The following DNAJC11 variants were observed in gnomAD, a reference collection of about 807,000 sequenced individuals.
The protein encoded by DNAJC11 is DnaJ heat shock protein family (Hsp40) member C11.
DNAJC11 carries 15 observed loss-of-function variants against 78.6 expected under a neutral mutation model. The ratio of observed to expected loss-of-function variants is 0.19; its 90% CI spans 0.13 to 0.29. The LOEUF is 0.29. Ranked by LOEUF, DNAJC11 falls within the 10% of genes least tolerant of loss-of-function variation. DNAJC11 has a pLI of 1.00. For missense variants in DNAJC11, 547 were observed against 709.6 expected, an observed-to-expected ratio of 0.77 and a Z score of 2.60; for synonymous variants, 292 against 272.1, an observed-to-expected ratio of 1.07 and a Z score of -0.72.
intron 1 of DNAJC11, 132 bp downstream of exon 1, chr1:6,701,597 C>G: frequency 1.1e-6 from 1 of 898,172 alleles, no homozygotes; most frequent in Non-Finnish European, 1.6e-6. Flanking sequence ...GCGTGCACGT[C>G]GCCGGGGTCA....
chr1:6,662,121 G>GTTTTTTT (rs1185007632), intron 4 of DNAJC11, among the ~76,000 whole-genome samples: 1 of 48,190 alleles, frequency 2.1e-5, no homozygotes, highest in African/African-American at 6.1e-5. Flanking sequence ...CCAGTTAATT[G>GTTTTTTT]TTTTTTGTTT....
rs1642088153 is a variant in DNAJC11, at chr1:6,653,728, T to G, written c.507+183A>C. On this transcript the variant is annotated intron_variant, in intron 5 of 15. Coordinates refer to ENST00000377577, the MANE Select transcript of DNAJC11 (RefSeq NM_018198.4). This position sits in a 1 kb window ranked among gnomAD's most constrained non-coding sequence, Gnocchi z 4.5. Reference sequence around the variant, plus strand: ...CAGCCCACACTCCTGCTGGCTCACATGCCAGCACAGCGGTAACACACGGCT... The same window carrying G: ...CAGCCCACACTCCTGCTGGCTCACAGGCCAGCACAGCGGTAACACACGGCT... 1 of 736,784 alleles carries G rather than the reference T, an allele frequency of 1.4e-6. No individual in the cohort carries two copies. Among genetic ancestry groups the G allele is most frequent in the Non-Finnish European group, 2.0e-6 (1 of 488,934 alleles). The allele number at this position is 736,784 out of a possible 1,614,324, so 45.6% of individuals were successfully genotyped here. A position where few individuals can be genotyped will look rare whatever the true frequency, so the allele number is the denominator to read the frequency against.
At chr1:6,639,267 C>T (rs75004575) in intron 11 of DNAJC11, among the ~76,000 whole-genome samples, 2,353 of 151,878 alleles carry the variant, frequency 0.015, 34 homozygotes, top group East Asian at 0.035. Context: ...TTAAACTCAG[C>T]GCTGGGAAAG....
intron 1 of DNAJC11, among the ~76,000 whole-genome samples, chr1:6,700,069 AT>A (rs1435428830): frequency 6.6e-6 from 1 of 152,312 alleles, no homozygotes; most frequent in Non-Finnish European, 1.5e-5. Context: ...ATATTCCACC[AT>A]GGTGATTTAC....
At chr1:6,646,254 C>T (rs981382243) in intron 7 of DNAJC11, among the ~76,000 whole-genome samples, 1 of 152,188 alleles carries the variant, frequency 6.6e-6, no homozygotes, top group Non-Finnish European at 1.5e-5. Context: ...CCTATGCCAG[C>T]AGATGCAACC....
At chr1:6,651,625 A>G in intron 6 of DNAJC11, 23 bp from the exon 7 acceptor site, 1 of 1,603,734 alleles carries the variant, frequency 6.2e-7, no homozygotes, top group Non-Finnish European at 8.5e-7. Context: ...GAAAAAGAGA[A>G]GGCATTAATG....
intron 1 of DNAJC11, among the ~76,000 whole-genome samples, chr1:6,683,405 T>C (rs1458817694): frequency 6.6e-6 from 1 of 152,218 alleles, no homozygotes; most frequent in Non-Finnish European, 1.5e-5. Flanking sequence ...GCAAGGACAG[T>C]GTGAGAATGA....
intron 1 of DNAJC11, among the ~76,000 whole-genome samples, chr1:6,701,221 A>C (rs933099025): frequency 1.3e-5 from 2 of 152,162 alleles, no homozygotes; most frequent in Non-Finnish European, 2.9e-5. Flanking sequence ...GGCTGGACCC[A>C]CTTCAGAGGC....
chr1:6,653,036 C>A lies in DNAJC11; in HGVS notation c.508-85G>T, dbSNP rs1021527746. The stretch of plus-strand genomic sequence containing the variant: ...CAGCCTAAAGAACGCACTGTGAGCC[C>A]AAGGCCAAAGGTGCAGACGATTCCT... On this transcript the variant is annotated intron_variant, in intron 5 of 15. Coordinates refer to ENST00000377577, the MANE Select transcript of DNAJC11 (RefSeq NM_018198.4). This position sits in a 1 kb window ranked among gnomAD's most constrained non-coding sequence, Gnocchi z 4.5. The A allele has an allele frequency of 7.8e-6, 12 of 1,543,144 alleles. No homozygotes were observed. The highest frequency in any genetic ancestry group is 9.8e-6 in the Non-Finnish European group (11 of 1,124,636).
intron 4 of DNAJC11, among the ~76,000 whole-genome samples, chr1:6,658,592 A>G (rs978013521): frequency 3.3e-5 from 5 of 152,168 alleles, no homozygotes; most frequent in Non-Finnish European, 4.4e-5. Flanking sequence ...TTTTCTTTAT[A>G]AGTCTAGTAA....
At chr1:6,686,442 T>C (rs1642658635) in intron 1 of DNAJC11, among the ~76,000 whole-genome samples, 1 of 152,246 alleles carries the variant, frequency 6.6e-6, no homozygotes. Flanking sequence ...TCACTTTACA[T>C]GTCCATCTGA....
intron 11 of DNAJC11, 42 bp from the exon 12 acceptor site, chr1:6,638,406 G>A (rs775730223): frequency 2.5e-6 from 4 of 1,587,054 alleles, no homozygotes; most frequent in Non-Finnish European, 2.6e-6. Context: ...GCGCGGCGCT[G>A]CCCAGCTTCC....
In DNAJC11 at chr1:6,634,867, C is replaced by T. The variant is rs2294532; in HGVS notation, c.*808G>A. ...TGTCTTGCCAAGCGCCTGGTCCTGT[C>T]CTCTTGAGCTGCCCTTGCCCAGCAC... On this transcript the variant is annotated 3_prime_UTR_variant, in exon 16 of 16. Transcript: ENST00000377577. 0.33 allele frequency: 398,607 copies of T among 1,218,444 alleles called. 65,573 individuals are homozygous for T. Among genetic ancestry groups the T allele is most frequent in the Middle Eastern group, 0.35 (926 of 2,654 alleles). 75.5% of individuals were successfully genotyped at this position (1,218,444 alleles called of 1,614,324 possible). A position where few individuals can be genotyped will look rare whatever the true frequency, so the allele number is the denominator to read the frequency against.
intron 11 of DNAJC11, among the ~76,000 whole-genome samples, chr1:6,638,660 T>C (rs899177557): frequency 6.6e-6 from 1 of 152,138 alleles, no homozygotes; most frequent in Non-Finnish European, 1.5e-5. Context: ...TTTCAGGAGA[T>C]CCCACCAACC....
At chr1:6,693,726 G>C (rs1244599892) in intron 1 of DNAJC11, among the ~76,000 whole-genome samples, 4 of 151,954 alleles carry the variant, frequency 2.6e-5, no homozygotes, top group Admixed American at 2.0e-4. Context: ...GCTTTTTATA[G>C]ACAAAGTCTC....
intron 2 of DNAJC11, among the ~76,000 whole-genome samples, chr1:6,678,866 C>G (rs910554910): frequency 6.6e-6 from 1 of 152,176 alleles, no homozygotes; most frequent in Non-Finnish European, 1.5e-5. Context: ...CTAGGCTGAT[C>G]TCGAATTCCT....
intron 7 of DNAJC11, among the ~76,000 whole-genome samples, chr1:6,650,091 C>A (rs1224976947): frequency 6.6e-6 from 1 of 151,364 alleles, no homozygotes; most frequent in African/African-American, 2.4e-5. Context: ...AAGAGACCAG[C>A]CTGGCCAACA....
chr1:6,695,930 C>T (rs1322346003), intron 1 of DNAJC11, among the ~76,000 whole-genome samples: 1 of 152,172 alleles, frequency 6.6e-6, no homozygotes, highest in Non-Finnish European at 1.5e-5. Context: ...TACATAGTGG[C>T]CTCCCTCTAT....
intron 1 of DNAJC11, among the ~76,000 whole-genome samples, chr1:6,698,366 T>A (rs1376082988): frequency 6.6e-6 from 1 of 152,182 alleles, no homozygotes; most frequent in Non-Finnish European, 1.5e-5. Context: ...TTTTTCCAAC[T>A]AAATCACGTT....
Sources: allele counts gnomAD v4.1 joint callset (sites outside exome capture counted in the v4.1 genomes callset), GRCh38; gene constraint gnomAD v4.1.1; non-coding constraint Gnocchi (gnomAD v3.1); transcripts MANE v1.5; gene names NCBI Gene and HGNC (gene_info 2026-07-23, HGNC 2026-07-21).